TUBA1C: variants seen among roughly 807,000 people sequenced by gnomAD.
TUBA1C encodes the protein tubulin alpha-1C chain.
A neutral mutation model predicts 34.9 loss-of-function variants in TUBA1C; 16 were observed. The ratio of observed to expected loss-of-function variants is 0.46; its 90% CI spans 0.31 to 0.70. The LOEUF (loss-of-function observed/expected upper bound fraction) is 0.70, where lower values mean the gene tolerates loss of function less well. TUBA1C is among the 30% of genes least tolerant of loss of function. TUBA1C has a pLI of 0.05. For missense variants in TUBA1C, 329 were observed against 587.3 expected (o/e 0.56, Z 4.55); for synonymous variants, 177 against 215.9 (o/e 0.82, Z 1.58).
At chr12:49,260,213 A>C (rs1942828478), upstream of TUBA1C, among the ~76,000 whole-genome samples, 3 of 152,162 alleles carry the variant, frequency 2.0e-5, no homozygotes, top group South Asian at 6.2e-4. Context: ...GGGGCAAGGG[A>C]ATGGTAGTTA....
At position 49,269,551 on chromosome 12, in the gene TUBA1C, C is replaced by T. The variant is rs2137021498; in HGVS notation, c.90C>T (p.Ile30=). The change falls in exon 2 of 4, where the codon ATC becomes ATT. Residue 30 remains isoleucine (I), a synonymous_variant. Transcript: ENST00000301072. Reference sequence around the variant, plus strand: ...AGCTCTACTGCCTGGAACACGGCATCCAGCCCGATGGCCAGATGCCAAGTG... The same window carrying T: ...AGCTCTACTGCCTGGAACACGGCATTCAGCCCGATGGCCAGATGCCAAGTG... ...CWELYCLEHG[I]QPDGQMPSDK... is the part of the protein sequence containing the mutation. 6.2e-7 allele frequency: 1 copy of T among 1,614,198 alleles called. No homozygotes were observed. The highest frequency in any genetic ancestry group is 8.5e-7 in the Non-Finnish European group (1 of 1,180,040).
In TUBA1C at chr12:49,274,221, C is replaced by T. The variant is rs558584757; in HGVS notation, c.*994C>T. ...CTTGACCTGGGCTAAGCCATCCTCC[C>T]ACCTCAGCCTCCCAAGTAGCCAGGA... On this transcript the variant is annotated 3_prime_UTR_variant, in exon 4 of 4. Transcript: ENST00000301072. 6.6e-6 allele frequency: 1 copy of T among 152,078 alleles called. No individual in the cohort carries two copies. Among genetic ancestry groups the T allele is most frequent in the East Asian group, 1.9e-4 (1 of 5,184 alleles). The allele number at this position is 152,078 out of a possible 1,614,324, so 9.4% of individuals were successfully genotyped here. A position where few individuals can be genotyped will look rare whatever the true frequency, so the allele number is the denominator to read the frequency against.
chr12:49,258,550 C>T (rs537733869), intron 1 of TUBA1C, among the ~76,000 whole-genome samples: 13 of 152,170 alleles, frequency 8.5e-5, no homozygotes, highest in Non-Finnish European at 1.8e-4. Context: ...GCTTCAGCCT[C>T]CCAAGTAGCT....
At chr12:49,255,307 T>C (rs1942771955) in intron 1 of TUBA1C, among the ~76,000 whole-genome samples, 2 of 152,058 alleles carry the variant, frequency 1.3e-5, no homozygotes, top group Admixed American at 6.6e-5. Context: ...TTTCCCTTTG[T>C]ATTTTATCTT....
intron 1 of TUBA1C, among the ~76,000 whole-genome samples, chr12:49,259,576 G>T (rs762714770): frequency 6.6e-6 from 1 of 152,138 alleles, no homozygotes; most frequent in Non-Finnish European, 1.5e-5. Context: ...ACAGTAACAG[G>T]CTGCACAAGT....
rs542492990 is a variant in TUBA1C at position 49,259,514 on chromosome 12, C to T, written c.214-9951C>T. On this transcript the variant is annotated intron_variant, in intron 1 of 3. Coordinates refer to the TUBA1C transcript ENST00000541364. The stretch of plus-strand genomic sequence containing the variant: ...CTGGGATTATAGGCATGAGCCACCA[C>T]GCCCAACCTAGATACAAATACCATC... 7.2e-5 allele frequency among the ~76,000 whole-genome samples: 11 copies of T among 152,308 alleles called. No individual in the cohort carries two copies. In the South Asian group the frequency reaches 1.0e-3, roughly 14 times the overall value.
At chr12:49,253,765 C>T (rs146449493) in intron 1 of TUBA1C, among the ~76,000 whole-genome samples, 1 of 152,234 alleles carries the variant, frequency 6.6e-6, no homozygotes, top group East Asian at 1.9e-4. Context: ...TGGACTCAAG[C>T]GATCTTCCTG....
At position 49,273,590 on chromosome 12, in the gene TUBA1C, G is replaced by T; in HGVS notation, c.*363G>T. 5.8e-6 allele frequency: 2 copies of T among 345,554 alleles called. No individual in the cohort carries two copies. The highest frequency in any genetic ancestry group is 2.5e-5 in the South Asian group (1 of 40,262). The allele number at this position is 345,554 out of a possible 1,614,324, so 21.4% of individuals were successfully genotyped here. ...TCTTGTAGAGATGGGGCCTTGCTATGCTGCCCAGGGTGGTCTTCAACTGGC... is the reference window on the plus strand; with the variant it reads ...TCTTGTAGAGATGGGGCCTTGCTATTCTGCCCAGGGTGGTCTTCAACTGGC... On this transcript the variant is annotated 3_prime_UTR_variant, in exon 4 of 4. Coordinates refer to ENST00000301072, the MANE Select transcript of TUBA1C (RefSeq NM_032704.5).
At chr12:49,249,414 TGAAA>T (rs1486468717) in intron 1 of TUBA1C, among the ~76,000 whole-genome samples, 7 of 151,258 alleles carry the variant, frequency 4.6e-5, no homozygotes, top group Admixed American at 4.6e-4. Flanking sequence ...TCGACAAGAG[TGAAA>T]CTCCGTCTCT....
At chr12:49,265,293 C>T in intron 1 of TUBA1C, 109 bp downstream of exon 1, 1 of 839,578 alleles carries the variant, frequency 1.2e-6, no homozygotes, top group Non-Finnish European at 1.7e-6. Context: ...TCCAGACTAC[C>T]CCGGGCCCCT....
At chr12:49,259,344 G>A (rs1013976136) in intron 1 of TUBA1C, among the ~76,000 whole-genome samples, 8 of 151,922 alleles carry the variant, frequency 5.3e-5, no homozygotes, top group Non-Finnish European at 1.0e-4. Context: ...CGATTCTTGA[G>A]CCTCAGCCTC....
At chr12:49,240,434 G>A (rs1025728263) in intron 1 of TUBA1C, among the ~76,000 whole-genome samples, 2 of 151,638 alleles carry the variant, frequency 1.3e-5, no homozygotes, top group African/African-American at 4.8e-5. Context: ...ACTCATTTTT[G>A]TGTTTTCAGT....
chr12:49,236,429 T>G (rs1942555765), intron 1 of TUBA1C, among the ~76,000 whole-genome samples: 1 of 152,218 alleles, frequency 6.6e-6, no homozygotes, highest in Non-Finnish European at 1.5e-5. Context: ...TTATCAAGCA[T>G]AGTTCTGACC....
chr12:49,265,231 G>A (rs768133552), intron 1 of TUBA1C, 47 bp downstream of exon 1: 3 of 1,546,632 alleles, frequency 1.9e-6, no homozygotes, highest in Middle Eastern at 1.7e-4. Flanking sequence ...CGTCCCAGGG[G>A]ACGGCGGGCC....
At chr12:49,252,409 A>G (rs1330250172) in intron 1 of TUBA1C, among the ~76,000 whole-genome samples, 1 of 152,180 alleles carries the variant, frequency 6.6e-6, no homozygotes, top group Non-Finnish European at 1.5e-5. Context: ...CTTTTTCAAA[A>G]TTATATTTTA....
At chr12:49,240,715 G>T (rs139199932) in intron 1 of TUBA1C, among the ~76,000 whole-genome samples, 1 of 152,168 alleles carries the variant, frequency 6.6e-6, no homozygotes, top group Non-Finnish European at 1.5e-5. Flanking sequence ...AGCCTTCCGA[G>T]TAGCTGGCAC....
At chr12:49,243,464 C>T (rs1412160625) in intron 1 of TUBA1C, among the ~76,000 whole-genome samples, 1 of 152,016 alleles carries the variant, frequency 6.6e-6, no homozygotes, top group Non-Finnish European at 1.5e-5. Context: ...AAATCAGGTG[C>T]TACCCTGTGA....
At chr12:49,269,372 T>A in intron 1 of TUBA1C, 93 bp from the exon 2 acceptor site, 1 of 1,575,278 alleles carries the variant, frequency 6.3e-7, no homozygotes, top group Non-Finnish European at 8.6e-7. Context: ...CAGTTATCTG[T>A]CTTGAAGGTT....
intron 1 of TUBA1C, among the ~76,000 whole-genome samples, chr12:49,246,667 CA>C (rs200302719): frequency 4.1e-5 from 6 of 145,824 alleles, no homozygotes; most frequent in Non-Finnish European, 3.0e-5. Context: ...GAGCCCGTCT[CA>C]AAAAAAAAAG....
Sources: allele counts gnomAD v4.1 joint callset (sites outside exome capture counted in the v4.1 genomes callset), GRCh38; gene constraint gnomAD v4.1.1; transcripts MANE v1.5; gene names NCBI Gene and HGNC (gene_info 2026-07-23, HGNC 2026-07-21).